The following CCDC14 variants were observed in gnomAD, a reference collection of about 807,000 sequenced individuals.
CCDC14 encodes the protein coiled-coil domain containing 14, also known as coiled-coil domain-containing protein 14.
Under a neutral mutation model 81.4 loss-of-function variants are expected in CCDC14, and 71 were observed. The ratio of observed to expected loss-of-function variants is 0.87; its 90% CI spans 0.72 to 1.06. CCDC14 has a LOEUF of 1.06. Among genes scored for constraint, CCDC14 ranks in the 50% least tolerant of loss-of-function variants. The pLI, the probability that CCDC14 is intolerant of heterozygous loss-of-function variation, is 0.00. For missense variants in CCDC14, 1,046 were observed against 1,047.3 expected (o/e 1.00, Z 0.02); for synonymous variants, 332 against 364.8 (o/e 0.91, Z 1.03).
chr3:123,931,008 A>T, intron 12 of CCDC14, 94 bp downstream of exon 12: 1 of 1,037,048 alleles, frequency 9.6e-7, no homozygotes, highest in Non-Finnish European at 1.4e-6. Context: ...AGAAAAAGAT[A>T]TGGGGGAGAA....
chr3:123,905,011 G>C (rs2034276359), intron 5 of CCDC14, among the ~76,000 whole-genome samples: 1 of 151,894 alleles, frequency 6.6e-6, no homozygotes, highest in African/African-American at 2.4e-5. Context: ...AAACAGATGA[G>C]AGAGAGAGAG....
chr3:123,934,296 C>A (rs1308638261), intron 9 of CCDC14, among the ~76,000 whole-genome samples: 2 of 80,960 alleles, frequency 2.5e-5, no homozygotes, highest in African/African-American at 5.3e-5. Flanking sequence ...AAAAAAAAAA[C>A]CCTCATGAGG....
At chr3:123,888,567 G>T in the CCDC14 span, among the ~76,000 whole-genome samples, 1 of 152,170 alleles carries the variant, frequency 6.6e-6, no homozygotes, top group South Asian at 2.1e-4. Context: ...GAAGAAAAGA[G>T]ATTTAATTGA....
At chr3:123,935,588 G>C (rs1047038508) in intron 9 of CCDC14, among the ~76,000 whole-genome samples, 1 of 152,134 alleles carries the variant, frequency 6.6e-6, no homozygotes, top group Non-Finnish European at 1.5e-5. Context: ...AAAAGCGAGA[G>C]GTCCACTTGT....
downstream of CCDC14, among the ~76,000 whole-genome samples, chr3:123,911,168 A>G (rs958158209): frequency 2.6e-5 from 4 of 152,170 alleles, no homozygotes; most frequent in Admixed American, 2.0e-4. Flanking sequence ...GATTATTTCT[A>G]TAGTCCTTTC....
rs191216317 is a variant in CCDC14 at position 123,923,732 on chromosome 3, A to T, written c.1778+7370T>A. Among the ~76,000 whole-genome samples the T allele has an allele frequency of 2.9e-3, 433 of 151,016 alleles. 2 individuals are homozygous for T. The highest frequency in any genetic ancestry group is 9.6e-3 in the African/African-American group (397 of 41,300). On this transcript the variant is annotated intron_variant, in intron 12 of 12. Transcript: ENST00000409697. ...ACACATATATTATTAGTATTTACTA[A>T]ATATATACATATATTATTAGTATAT... is the stretch of plus-strand genomic sequence containing the variant.
intron 12 of CCDC14, among the ~76,000 whole-genome samples, chr3:123,918,942 C>T (rs560327195): frequency 9.9e-5 from 15 of 152,262 alleles, no homozygotes; most frequent in Non-Finnish European, 1.8e-4. Context: ...TCCAAGCCTT[C>T]CCCAACCCTT....
At position 123,914,905 on chromosome 3, in the gene CCDC14, C is replaced by A; in HGVS notation, c.2592G>T (p.Trp864Cys). 1 of 1,613,978 alleles carries A rather than the reference C, an allele frequency of 6.2e-7. No individual in the cohort carries two copies. Among genetic ancestry groups the A allele is most frequent in the South Asian group, 1.1e-5 (1 of 91,068 alleles). ...TGAACGTTGAAAACGAAGAGATGCT[C>A]CAGTCAGACATCAAGTCAGAAGTGA... ...SVFTSDLMSD[W>C]SISSFSTFTS... Residue 864 changes from tryptophan to cysteine, a missense_variant, in exon 13 of 13, where the codon TGG (tryptophan) becomes TGT (cysteine). Trp to Cys is a radical substitution (Grantham distance 215, BLOSUM62 -2). Transcript: ENST00000409697.
intron 12 of CCDC14, among the ~76,000 whole-genome samples, chr3:123,919,994 T>C (rs191079515): frequency 2.2e-4 from 33 of 152,122 alleles, no homozygotes; most frequent in Non-Finnish European, 1.6e-4. Context: ...CAAGAAAATA[T>C]AGATAAAAAA....
chr3:123,909,032 T>C (rs1156914538), downstream of CCDC14, among the ~76,000 whole-genome samples: 1 of 152,154 alleles, frequency 6.6e-6, no homozygotes, highest in Non-Finnish European at 1.5e-5. Flanking sequence ...CCTTTACTAC[T>C]TTCTTCTTGC....
chr3:123,920,395 C>T (rs183382113), intron 12 of CCDC14, among the ~76,000 whole-genome samples: 10 of 152,050 alleles, frequency 6.6e-5, no homozygotes, highest in South Asian at 2.1e-4. Flanking sequence ...AGGTACAGGA[C>T]GCTCAGAGGT....
chr3:123,949,738 A>G (rs558878238), intron 5 of CCDC14, among the ~76,000 whole-genome samples: 5 of 152,212 alleles, frequency 3.3e-5, no homozygotes, highest in South Asian at 4.2e-4. Context: ...TTGTTCATGA[A>G]CCATTCCTAC....
chr3:123,955,678 G>T, intron 5 of CCDC14, 165 bp downstream of exon 5: 1 of 481,788 alleles, frequency 2.1e-6, no homozygotes, highest in Non-Finnish European at 3.4e-6. Context: ...AGCAAGCAAA[G>T]TGGACTACTC....
chr3:123,934,829 A>T (rs1341942922), intron 9 of CCDC14, among the ~76,000 whole-genome samples: 1 of 152,180 alleles, frequency 6.6e-6, no homozygotes, highest in African/African-American at 2.4e-5. Flanking sequence ...TCACTCACAT[A>T]TATTAATTTC....
intron 9 of CCDC14, among the ~76,000 whole-genome samples, chr3:123,943,984 T>C (rs928953028): frequency 1.3e-5 from 2 of 152,162 alleles, no homozygotes; most frequent in African/African-American, 2.4e-5. Context: ...CTTCGATTTA[T>C]AGCCAATCAG....
Position 123,944,996 on chromosome 3 carries a change from G to C in CCDC14, c.1202-6C>G. The stretch of plus-strand genomic sequence containing the variant: ...CCTCTGAATTTCTGAATCCTCTATA[G>C]AAGGCAACAGAAATGAGTAAAATCA... On this transcript the variant is annotated splice_region_variant and splice_polypyrimidine_tract_variant and intron_variant, in intron 8 of 12. Coordinates refer to ENST00000409697, the MANE Select transcript of CCDC14 (RefSeq NM_001366335.1). The C allele has an allele frequency of 6.3e-7, 1 of 1,575,724 alleles. No homozygotes were observed. Among genetic ancestry groups the C allele is most frequent in the Non-Finnish European group, 8.7e-7 (1 of 1,153,538 alleles).
intron 10 of CCDC14, 92 bp from the exon 11 acceptor site, chr3:123,931,618 G>T (rs1577268331): frequency 3.2e-6 from 2 of 633,120 alleles, no homozygotes; most frequent in African/African-American, 2.0e-5. Flanking sequence ...AAAAAAAAAG[G>T]CCTGAAATTT....
chr3:123,886,140 T>A, the CCDC14 span, among the ~76,000 whole-genome samples: 1 of 151,134 alleles, frequency 6.6e-6, no homozygotes. Context: ...ATTCTAGTAG[T>A]CTTTTTTTTT....
rs771982873 is a variant in CCDC14 at position 123,915,157 on chromosome 3, A to T, written c.2340T>A (p.Pro780=). Residue 780 remains proline, a synonymous_variant, in exon 13 of 13, where the codon CCT becomes CCA. Coordinates refer to ENST00000409697, the MANE Select transcript of CCDC14 (RefSeq NM_001366335.1). ...CCTTTGTTGAAGAGGAACAGATTAC[A>T]GGTGTACACAGTTTATTTTCTTTTC... ...VSGKENKLCT[P]VICSSSTKEA... is the part of the protein sequence containing the mutation. 5 of 1,613,756 alleles carry T rather than the reference A, an allele frequency of 3.1e-6. No individual in the cohort carries two copies. The highest frequency in any genetic ancestry group is 4.2e-6 in the Non-Finnish European group (5 of 1,179,826).
Sources: allele counts gnomAD v4.1 joint callset (sites outside exome capture counted in the v4.1 genomes callset), GRCh38; gene constraint gnomAD v4.1.1; transcripts MANE v1.5; gene names NCBI Gene and HGNC (gene_info 2026-07-23, HGNC 2026-07-21).